Variants in PCDH11X observed in about 807,000 individuals in gnomAD.
The protein encoded by PCDH11X is protocadherin 11 X-linked.
A neutral mutation model predicts 53.3 loss-of-function variants in PCDH11X; 18 were observed. The observed-to-expected ratio is 0.34, with a 90% CI of 0.23 to 0.50. The LOEUF (loss-of-function observed/expected upper bound fraction) is 0.50, where lower values mean the gene tolerates loss of function less well. PCDH11X is among the 20% of genes least tolerant of loss of function. The pLI is 0.98. For synonymous variants in PCDH11X, 279 were observed against 393.3 expected (o/e 0.71, Z 3.44); for missense variants, 570 against 1,032.4 (o/e 0.55, Z 6.14).
intron 9 of PCDH11X, among the ~76,000 whole-genome samples, chrX:92,411,476 T>A (rs1203732710): frequency 9.2e-6 from 1 of 108,761 alleles, no homozygotes; most frequent in African/African-American, 3.4e-5. Context: ...CCCCTCCCTG[T>A]GTCCATGTGT....
At chrX:92,376,948 T>C (rs2070765764) in intron 8 of PCDH11X, among the ~76,000 whole-genome samples, 1 of 111,557 alleles carries the variant, frequency 9.0e-6, no homozygotes, top group Non-Finnish European at 1.9e-5. Context: ...AAATATTTTT[T>C]AAAAACAGAT....
chrX:92,294,699 C>T (rs1355607189), intron 8 of PCDH11X, among the ~76,000 whole-genome samples: 1 of 110,881 alleles, frequency 9.0e-6, no homozygotes, highest in African/African-American at 3.3e-5. Flanking sequence ...AAATGATTGT[C>T]CTGGAGCTGC....
chrX:92,369,380 C>T (rs1189691761), intron 8 of PCDH11X, among the ~76,000 whole-genome samples: 2 of 111,434 alleles, frequency 1.8e-5, no homozygotes, highest in Non-Finnish European at 3.8e-5. Flanking sequence ...GCTCGATCAT[C>T]TCAGGTCAAC....
chrX:92,339,316 C>T (rs1479321749), intron 8 of PCDH11X, among the ~76,000 whole-genome samples: 3 of 111,911 alleles, frequency 2.7e-5, no homozygotes, highest in Admixed American at 9.5e-5. Flanking sequence ...TATAAAAATA[C>T]CGGAAGAAAA....
chrX:92,346,612 T>C (rs200200397), intron 8 of PCDH11X, among the ~76,000 whole-genome samples: 2 of 112,151 alleles, frequency 1.8e-5, no homozygotes, highest in East Asian at 2.8e-4. Flanking sequence ...CGTAGTAGAC[T>C]ACAATCAACA....
At chrX:92,230,910 G>A (rs1050458084) in intron 7 of PCDH11X, among the ~76,000 whole-genome samples, 58 of 110,620 alleles carry the variant, frequency 5.2e-4, no homozygotes, top group African/African-American at 1.9e-3. Context: ...AGTGCAGACA[G>A]GACTGGAAGA....
At chrX:92,601,553 C>G (rs1926236567) in intron 10 of PCDH11X, among the ~76,000 whole-genome samples, 2 of 107,832 alleles carry the variant, frequency 1.9e-5, no homozygotes, top group East Asian at 5.8e-4. Flanking sequence ...AACCATTCTA[C>G]TCTGGGTATA....
At chrX:92,555,742 C>T (rs1455394855) in intron 10 of PCDH11X, among the ~76,000 whole-genome samples, 1 of 111,029 alleles carries the variant, frequency 9.0e-6, no homozygotes, top group Non-Finnish European at 1.9e-5. Context: ...TTCTGTCCTT[C>T]TCTGATTAAA....
chrX:92,273,546 T>C (rs1413336415), intron 8 of PCDH11X, among the ~76,000 whole-genome samples: 3 of 110,014 alleles, frequency 2.7e-5, no homozygotes, highest in Admixed American at 2.0e-4. Flanking sequence ...AAAAATAAAA[T>C]AGTGTTGAAG....
At chrX:91,949,722 T>C (rs1032976608) in intron 6 of PCDH11X, among the ~76,000 whole-genome samples, 1 of 111,223 alleles carries the variant, frequency 9.0e-6, no homozygotes, top group African/African-American at 3.3e-5. Flanking sequence ...ATAATTTTAA[T>C]GATTTTATAT....
At chrX:92,198,129 C>T (rs2066322441) in intron 6 of PCDH11X, among the ~76,000 whole-genome samples, 1 of 108,151 alleles carries the variant, frequency 9.2e-6, no homozygotes, top group African/African-American at 3.4e-5. Flanking sequence ...GGTGAGATGG[C>T]TCACACCTGT....
At chrX:92,436,135 C>A (rs2072366218) in intron 9 of PCDH11X, among the ~76,000 whole-genome samples, 1 of 107,748 alleles carries the variant, frequency 9.3e-6, no homozygotes, top group Non-Finnish European at 1.9e-5. Context: ...AAGAAAAAAA[C>A]AAACAACCCC....
chrX:91,932,322 T>C (rs753850518), intron 6 of PCDH11X, among the ~76,000 whole-genome samples: 17 of 108,531 alleles, frequency 1.6e-4, no homozygotes, highest in Admixed American at 1.5e-3. Context: ...CATGCCCCTT[T>C]TTGAGTTTTG....
At chrX:92,238,105 TTA>T (rs762920832) in intron 7 of PCDH11X, among the ~76,000 whole-genome samples, 9 of 112,083 alleles carry the variant, frequency 8.0e-5, no homozygotes, top group African/African-American at 2.9e-4. Context: ...AGCCACAATT[TTA>T]TGTGTCTGAG....
At chrX:92,075,404 G>A (rs971033662) in intron 6 of PCDH11X, among the ~76,000 whole-genome samples, 1 of 108,414 alleles carries the variant, frequency 9.2e-6, no homozygotes, top group African/African-American at 3.3e-5. Flanking sequence ...ACCTTTGAAT[G>A]CAGGTGGCTT....
intron 6 of PCDH11X, among the ~76,000 whole-genome samples, chrX:91,892,704 A>C (rs1440631041): frequency 5.0e-5 from 5 of 100,446 alleles, no homozygotes; most frequent in Non-Finnish European, 1.0e-4. Context: ...ACAAGAACAC[A>C]TTTTTTTTTT....
intron 6 of PCDH11X, among the ~76,000 whole-genome samples, chrX:91,911,827 A>G (rs1941380667): frequency 9.1e-6 from 1 of 110,198 alleles, no homozygotes; most frequent in South Asian, 3.8e-4. Context: ...AAAGAATGTC[A>G]TTGGTATTTT....
At chrX:92,125,172 C>T (rs1229226987) in intron 6 of PCDH11X, among the ~76,000 whole-genome samples, 3 of 99,653 alleles carry the variant, frequency 3.0e-5, no homozygotes, top group Non-Finnish European at 5.7e-5. Flanking sequence ...AATATATTAA[C>T]ATGATAATGC....
At chrX:91,807,782 T>G (rs1227741138) in intron 1 of PCDH11X, among the ~76,000 whole-genome samples, 1 of 111,255 alleles carries the variant, frequency 9.0e-6, no homozygotes, top group Non-Finnish European at 1.9e-5. Context: ...AATTAAAAAT[T>G]TTTTATGATA....
Sources: gnomAD v4.1 joint callset for allele counts (sites outside exome capture counted in the v4.1 genomes callset) on GRCh38, gnomAD v4.1.1 for gene constraint, MANE v1.5 for transcripts, NCBI Gene and HGNC (gene_info 2026-07-23, HGNC 2026-07-21) for gene names.